HS3ST5: variants seen among roughly 807,000 people sequenced by gnomAD.
HS3ST5 encodes the protein heparan sulfate glucosamine 3-O-sulfotransferase 5.
In HS3ST5, 10 loss-of-function variants were observed where a neutral mutation model predicts 25.4. The observed-to-expected ratio is 0.39, with a 90% confidence interval of 0.24 to 0.67. The LOEUF (loss-of-function observed/expected upper bound fraction) is 0.67. Ranked by LOEUF, HS3ST5 falls within the 30% of genes least tolerant of loss-of-function variation. The pLI is 0.44. For synonymous variants in HS3ST5, 170 were observed against 162.4 expected, an observed-to-expected ratio of 1.05 and a Z score of -0.36; for missense variants, 324 against 420.7, an observed-to-expected ratio of 0.77 and a Z score of 2.01.
chr6:114,306,255 A>ATG (rs1554226913), intron 1 of HS3ST5, among the ~76,000 whole-genome samples: 2 of 123,766 alleles, frequency 1.6e-5, no homozygotes, highest in Non-Finnish European at 3.3e-5. Flanking sequence ...ATATATATAT[A>ATG]TACACACACA....
chr6:114,165,341 C>A (rs928430471), intron 3 of HS3ST5, among the ~76,000 whole-genome samples: 5 of 152,156 alleles, frequency 3.3e-5, no homozygotes, highest in Admixed American at 6.6e-5. Flanking sequence ...TCACTAGGGG[C>A]AATCTTGTCT....
At chr6:114,070,311 A>G (rs925049787) in intron 3 of HS3ST5, among the ~76,000 whole-genome samples, 1 of 152,032 alleles carries the variant, frequency 6.6e-6, no homozygotes, top group Non-Finnish European at 1.5e-5. Flanking sequence ...AAATGTTTCC[A>G]TAAAAGGGCA....
At chr6:114,316,596 G>GA (rs1330359574) in intron 1 of HS3ST5, among the ~76,000 whole-genome samples, 1 of 151,668 alleles carries the variant, frequency 6.6e-6, no homozygotes, top group African/African-American at 2.4e-5. Flanking sequence ...TCCAAAAAGT[G>GA]AAAAAAAATT....
chr6:114,091,863 A>T (rs1446707318), intron 3 of HS3ST5, among the ~76,000 whole-genome samples: 2 of 152,204 alleles, frequency 1.3e-5, no homozygotes, highest in Admixed American at 1.3e-4. Context: ...AGGTCAGAGC[A>T]TAGCAGCCAC....
chr6:114,276,146 G>C (rs1773844080), intron 1 of HS3ST5, among the ~76,000 whole-genome samples: 1 of 151,676 alleles, frequency 6.6e-6, no homozygotes, highest in Non-Finnish European at 1.5e-5. Context: ...GAAGGCAAGG[G>C]GGGAAATTGG....
At chr6:114,058,248 T>A in intron 4 of HS3ST5, 58 bp from the exon 5 acceptor site, 1 of 1,342,444 alleles carries the variant, frequency 7.4e-7, no homozygotes, top group Non-Finnish European at 1.0e-6. Flanking sequence ...ATTTTTCTGG[T>A]TCCCCAGTCA....
intron 1 of HS3ST5, among the ~76,000 whole-genome samples, chr6:114,241,974 A>C (rs1361266744): frequency 6.6e-6 from 1 of 152,222 alleles, no homozygotes; most frequent in Admixed American, 6.5e-5. Context: ...CATCAGCAAC[A>C]ATTGTTTACA....
At chr6:114,316,237 A>G (rs1449535036) in intron 1 of HS3ST5, among the ~76,000 whole-genome samples, 1 of 152,228 alleles carries the variant, frequency 6.6e-6, no homozygotes, top group South Asian at 2.1e-4. Flanking sequence ...GTATTTTAGT[A>G]GTCTGTCTGT....
chr6:114,077,037 G>A (rs1273679098), intron 3 of HS3ST5, among the ~76,000 whole-genome samples: 2 of 152,222 alleles, frequency 1.3e-5, no homozygotes, highest in African/African-American at 4.8e-5. Context: ...GAGTTATGGT[G>A]AGAATAGCTT....
chr6:114,341,563 A>T (rs1468615595), intron 1 of HS3ST5, among the ~76,000 whole-genome samples: 5 of 150,274 alleles, frequency 3.3e-5, no homozygotes, highest in Admixed American at 1.3e-4. Context: ...TAGTAACAGT[A>T]TGACCACCCT....
At chr6:114,327,927 C>T (rs1479220324) in intron 1 of HS3ST5, among the ~76,000 whole-genome samples, 1 of 152,128 alleles carries the variant, frequency 6.6e-6, no homozygotes, top group African/African-American at 2.4e-5. Flanking sequence ...GGTGATATTG[C>T]TCAAGATATT....
In HS3ST5 at chr6:114,244,015, A is replaced by G. The variant is rs577380512; in HGVS notation, c.-338-15237T>C. Among the ~76,000 whole-genome samples, 23 of 152,346 alleles carry G rather than the reference A, an allele frequency of 1.5e-4. No individual in the cohort carries two copies. In the East Asian group the frequency reaches 4.2e-3, roughly 28 times the overall value. On this transcript the variant is annotated intron_variant, in intron 1 of 4. Transcript: ENST00000312719. The stretch of plus-strand genomic sequence containing the variant: ...GATGAGGAGAATACTATCCTTTTGT[A>G]GAAGACAGAAAAGCTCCAACAGGGA...
intron 2 of HS3ST5, among the ~76,000 whole-genome samples, chr6:114,198,782 T>G (rs1173042992): frequency 6.6e-6 from 1 of 152,202 alleles, no homozygotes; most frequent in Non-Finnish European, 1.5e-5. Flanking sequence ...TGGAAATATC[T>G]GCTACTTAGT....
chr6:114,242,166 T>C (rs140981109), intron 1 of HS3ST5, among the ~76,000 whole-genome samples: 12 of 152,334 alleles, frequency 7.9e-5, no homozygotes, highest in African/African-American at 2.6e-4. Context: ...TTGGATCTGA[T>C]TGAATTTTTA....
rs1332873544 is a variant in HS3ST5, at chr6:114,189,389, G to A, written c.-144-20927C>T. Among the ~76,000 whole-genome samples the A allele has an allele frequency of 4.0e-5, 6 of 151,570 alleles. No individual in the cohort carries two copies. In the East Asian group the frequency reaches 1.2e-3, roughly 30 times the overall value. On this transcript the variant is annotated intron_variant, in intron 2 of 4. Transcript: ENST00000312719. ...TATTCAGTGTGCTGGGCACTTCATGGTCCTCTCAGTTGGGAAGCTCTTGTT... is the reference window on the plus strand; with the variant it reads ...TATTCAGTGTGCTGGGCACTTCATGATCCTCTCAGTTGGGAAGCTCTTGTT...
intron 2 of HS3ST5, among the ~76,000 whole-genome samples, chr6:114,208,696 AG>A: frequency 6.6e-6 from 1 of 152,294 alleles, no homozygotes; most frequent in Non-Finnish European, 1.5e-5. Context: ...ATTGTAGGAA[AG>A]AAACATTCTT....
At chr6:114,204,185 G>A (rs765776825) in intron 2 of HS3ST5, among the ~76,000 whole-genome samples, 5 of 152,124 alleles carry the variant, frequency 3.3e-5, no homozygotes, top group Admixed American at 1.3e-4. Context: ...ACAGGGAAGG[G>A]AAAAATAACA....
At chr6:114,216,528 A>C (rs1781770237) in intron 2 of HS3ST5, among the ~76,000 whole-genome samples, 2 of 152,184 alleles carry the variant, frequency 1.3e-5, no homozygotes, top group South Asian at 4.1e-4. Context: ...GTAGACATAC[A>C]TATAGACACA....
chr6:114,192,638 G>T, intron 2 of HS3ST5, among the ~76,000 whole-genome samples: 1 of 152,044 alleles, frequency 6.6e-6, no homozygotes, highest in East Asian at 1.9e-4. Flanking sequence ...AATTAAAAAG[G>T]CAAGACCCAG....
Sources: gnomAD v4.1 joint callset for allele counts (sites outside exome capture counted in the v4.1 genomes callset) on GRCh38, gnomAD v4.1.1 for gene constraint, MANE v1.5 for transcripts, NCBI Gene and HGNC (gene_info 2026-07-23, HGNC 2026-07-21) for gene names.